ANKRD17: variants seen among roughly 807,000 people sequenced by gnomAD.
ANKRD17 encodes the protein ankyrin repeat domain-containing protein 17.
A neutral mutation model predicts 229.7 loss-of-function variants in ANKRD17; 19 were observed. The ratio of observed to expected loss-of-function variants is 0.08; its 90% CI spans 0.06 to 0.12. ANKRD17 has a LOEUF of 0.12. ANKRD17 is among the 10% of genes least tolerant of loss of function. ANKRD17 has a pLI of 1.00. For synonymous variants in ANKRD17, 1,112 were observed against 1,146.1 expected, an observed-to-expected ratio of 0.97 and a Z score of 0.60; for missense variants, 2,176 against 3,176.8, an observed-to-expected ratio of 0.68 and a Z score of 7.57.
Position 73,090,861 on chromosome 4 carries a change from G to T in ANKRD17, c.6767C>A (p.Thr2256Lys). The change falls in exon 29 of 34, where the codon ACA becomes AAA. Residue 2256 changes from threonine to lysine, a missense_variant. Physicochemically the swap from Thr to Lys is moderately conservative, Grantham distance 78. Transcript: ENST00000358602. ...AGAAGTAGGGCTGTTTTCAAACAAT[G>T]TGCTAAAGGGCCCAAATGGTAAGGG... Reference protein sequence around the residue: ...SAPLPFGPFSTLFENSPTSAH... With the variant: ...SAPLPFGPFSKLFENSPTSAH... The T allele has an allele frequency of 6.2e-7, 1 of 1,614,212 alleles. No homozygotes were observed. The highest frequency in any genetic ancestry group is 1.1e-5 in the South Asian group (1 of 91,092).
chr4:73,134,885 T>TA (rs535808039), intron 16 of ANKRD17, among the ~76,000 whole-genome samples: 28 of 151,882 alleles, frequency 1.8e-4, no homozygotes, highest in Admixed American at 3.3e-4. Flanking sequence ...GAACTAAAGT[T>TA]AAAAAAAAGG....
At chr4:73,092,873 T>C (rs994941411) in intron 28 of ANKRD17, among the ~76,000 whole-genome samples, 2 of 152,188 alleles carry the variant, frequency 1.3e-5, no homozygotes, top group Non-Finnish European at 2.9e-5. Flanking sequence ...GGAAGATGTC[T>C]TAAAATGATG....
At chr4:73,098,753 G>A in intron 25 of ANKRD17, 1 of 1,022,828 alleles carries the variant, frequency 9.8e-7, no homozygotes, top group Non-Finnish European at 1.5e-6. Context: ...GGGCATTTCT[G>A]GTGCTGGCGT....
At chr4:73,108,533 G>A (rs1277978580) in intron 24 of ANKRD17, among the ~76,000 whole-genome samples, 2 of 151,876 alleles carry the variant, frequency 1.3e-5, no homozygotes, top group Admixed American at 6.6e-5. Flanking sequence ...CAGGTAGGAG[G>A]AAAAAAAGAG....
At chr4:73,124,851 A>G in intron 18 of ANKRD17, 62 bp downstream of exon 18, 1 of 1,560,426 alleles carries the variant, frequency 6.4e-7, no homozygotes, top group East Asian at 2.3e-5. Context: ...AAATAATATA[A>G]GTGAAAGTAC....
chr4:73,096,710 A>AT (rs1236984771), intron 27 of ANKRD17, among the ~76,000 whole-genome samples: 3 of 152,168 alleles, frequency 2.0e-5, no homozygotes, highest in Non-Finnish European at 4.4e-5. Flanking sequence ...AAAACAAAAT[A>AT]TTTTTATCCT....
rs761087814 is a variant in ANKRD17, at chr4:73,085,285, G to A, written c.7123C>T (p.Leu2375Phe). 11 of 1,614,036 alleles carry A rather than the reference G, an allele frequency of 6.8e-6. No homozygotes were observed. Among genetic ancestry groups the A allele is most frequent in the Admixed American group, 3.3e-5 (2 of 59,998 alleles). The change falls in exon 30 of 34, where the codon CTT becomes TTT. Residue 2375 changes from leucine (L) to phenylalanine (F), a missense_variant. Coordinates refer to ENST00000358602, the MANE Select transcript of ANKRD17 (RefSeq NM_032217.5). ...GATGAACACGGAGTCAACAAACTAAGCGGGGAAAAATGTTGTCTGTTAAAG... is the reference window on the plus strand; with the variant it reads ...GATGAACACGGAGTCAACAAACTAAACGGGGAAAAATGTTGTCTGTTAAAG... The part of the protein sequence containing the change: ...ANFNRQHFSP[L>F]SLLTPCSSAS...
intron 1 of ANKRD17, among the ~76,000 whole-genome samples, chr4:73,249,408 A>T (rs1392964923): frequency 6.6e-6 from 1 of 152,250 alleles, no homozygotes; most frequent in Non-Finnish European, 1.5e-5. Context: ...GCAGTTCCAT[A>T]AATGTGCCAT....
At chr4:73,217,160 C>T (rs1026363796) in intron 1 of ANKRD17, among the ~76,000 whole-genome samples, 2 of 152,288 alleles carry the variant, frequency 1.3e-5, no homozygotes, top group South Asian at 2.1e-4. Context: ...TACCAGACTA[C>T]GATGGATCAG....
At chr4:73,236,364 GGA>G (rs1406716309) in intron 1 of ANKRD17, among the ~76,000 whole-genome samples, 2 of 152,058 alleles carry the variant, frequency 1.3e-5, no homozygotes, top group African/African-American at 2.4e-5. Flanking sequence ...ATGTTGACCA[GGA>G]GAGTCTCAAA....
At chr4:73,123,691 T>G (rs1366707377) in intron 18 of ANKRD17, among the ~76,000 whole-genome samples, 2 of 152,078 alleles carry the variant, frequency 1.3e-5, no homozygotes, top group Non-Finnish European at 2.9e-5. Flanking sequence ...CCCATTCTTT[T>G]GTATAGGAAT....
chr4:73,115,022 T>G (rs2148666141), intron 23 of ANKRD17, among the ~76,000 whole-genome samples: 1 of 152,302 alleles, frequency 6.6e-6, no homozygotes, highest in Non-Finnish European at 1.5e-5. Flanking sequence ...TCCTGCAAAA[T>G]TCCTAGCCAA....
Position 73,118,727 on chromosome 4 carries a change from A to G in ANKRD17, c.4149T>C (p.Asp1383=). 6.2e-7 allele frequency: 1 copy of G among 1,614,126 alleles called. No homozygotes were observed. The highest frequency in any genetic ancestry group is 8.5e-7 in the Non-Finnish European group (1 of 1,180,004). The part of the protein sequence containing the change: ...VQAGADVDAA[D]NRKITPLMAA... ...CCATAAGAGGAGTTATCTTGCGGTT[A>G]TCTGCTGCATCCACATCTGCACCTG... Residue 1383 remains aspartate, a synonymous_variant, in exon 22 of 34, where the codon GAT becomes GAC. Transcript: ENST00000358602.
intron 1 of ANKRD17, among the ~76,000 whole-genome samples, chr4:73,190,993 T>C (rs181062478): frequency 3.9e-5 from 6 of 152,228 alleles, no homozygotes; most frequent in Admixed American, 3.9e-4. Context: ...TTCCCCAAAT[T>C]AATCTGTAAA....
At chr4:73,085,998 CA>C (rs541158527) in intron 29 of ANKRD17, among the ~76,000 whole-genome samples, 1 of 151,724 alleles carries the variant, frequency 6.6e-6, no homozygotes, top group South Asian at 2.1e-4. Context: ...CTCACACACA[CA>C]AAAAACTAAA....
At chr4:73,087,718 G>A (rs1358514394) in intron 29 of ANKRD17, among the ~76,000 whole-genome samples, 1 of 152,168 alleles carries the variant, frequency 6.6e-6, no homozygotes, top group South Asian at 2.1e-4. Context: ...TCATTTTATT[G>A]GGTGCAGTAA....
rs777315116 is a variant in ANKRD17 at position 73,075,799 on chromosome 4, T to C, written c.*432A>G. 5 of 155,330 alleles carry C rather than the reference T, an allele frequency of 3.2e-5. No individual in the cohort carries two copies. The East Asian group carries it at 7.6e-4, about 24-fold the overall frequency. 9.6% of individuals were successfully genotyped at this position (155,330 alleles called of 1,614,324 possible). A position where few individuals can be genotyped will look rare whatever the true frequency, so the allele number is the denominator to read the frequency against. On this transcript the variant is annotated 3_prime_UTR_variant, in exon 34 of 34. Coordinates refer to ENST00000358602, the MANE Select transcript of ANKRD17 (RefSeq NM_032217.5). ...AAAGTAGAGCCTCTATACTGACATATTGAAATTTACTTTCTGCTTAGCCTT... is the reference window on the plus strand; with the variant it reads ...AAAGTAGAGCCTCTATACTGACATACTGAAATTTACTTTCTGCTTAGCCTT...
chr4:73,131,290 T>C (rs1283148069), intron 16 of ANKRD17, among the ~76,000 whole-genome samples: 2 of 152,202 alleles, frequency 1.3e-5, no homozygotes, highest in East Asian at 3.8e-4. Context: ...CTCTTCAGCA[T>C]TTGTCAAGGA....
intron 15 of ANKRD17, among the ~76,000 whole-genome samples, chr4:73,136,107 T>C (rs1488237233): frequency 6.6e-6 from 1 of 152,204 alleles, no homozygotes; most frequent in Non-Finnish European, 1.5e-5. Context: ...ACTCCAAATA[T>C]GCTGGCATAG....
Sources: gnomAD v4.1 joint callset for allele counts (sites outside exome capture counted in the v4.1 genomes callset) on GRCh38, gnomAD v4.1.1 for gene constraint, MANE v1.5 for transcripts, NCBI Gene and HGNC (gene_info 2026-07-23, HGNC 2026-07-21) for gene names.